The following KMT2A variants were observed in gnomAD, a reference collection of about 807,000 sequenced individuals.
The protein encoded by KMT2A is histone-lysine N-methyltransferase 2A.
A neutral mutation model predicts 345.3 loss-of-function variants in KMT2A; 16 were observed. The ratio of observed to expected loss-of-function variants is 0.05; its 90% CI spans 0.03 to 0.07. KMT2A has a LOEUF of 0.07. KMT2A is among the 10% of genes least tolerant of loss of function. The pLI, the probability that KMT2A is intolerant of heterozygous loss-of-function variation, is 1.00. For synonymous variants in KMT2A, 1,599 were observed against 1,778.6 expected, an observed-to-expected ratio of 0.90 and a Z score of 2.54; for missense variants, 3,272 against 4,841.6, an observed-to-expected ratio of 0.68 and a Z score of 9.62.
At chr11:118,515,120 T>C (rs782153387) in intron 31 of KMT2A, among the ~76,000 whole-genome samples, 5 of 152,218 alleles carry the variant, frequency 3.3e-5, no homozygotes, top group African/African-American at 4.8e-5. Context: ...TCCCTGGGCT[T>C]GGAGCTGAGA....
At chr11:118,492,090 C>A (rs573544692) in intron 15 of KMT2A, among the ~76,000 whole-genome samples, 162 bp downstream of exon 15, 3 of 152,264 alleles carry the variant, frequency 2.0e-5, no homozygotes, top group African/African-American at 7.2e-5. Context: ...CCTTCTTTAG[C>A]GTAAGAAATA....
intron 1 of KMT2A, among the ~76,000 whole-genome samples, chr11:118,443,315 T>G (rs1480826770): frequency 1.3e-5 from 2 of 151,978 alleles, no homozygotes; most frequent in Non-Finnish European, 2.9e-5. Flanking sequence ...CATAAAATGG[T>G]TCTTTATGTT....
rs782094382 is a variant in KMT2A at position 118,474,294 on chromosome 11, A to C, written c.3135A>C (p.Gln1045His). The C allele has an allele frequency of 6.2e-7, 1 of 1,613,978 alleles. No homozygotes were observed. The highest frequency in any genetic ancestry group is 1.1e-5 in the South Asian group (1 of 91,076). ...CKIEKSKSLK[Q>H]TDQPKAQGQE... is the part of the protein sequence containing the mutation. Reference sequence around the variant, plus strand: ...TTGAGAAGAGTAAGAGTCTTAAACAAACCGACCAGCCCAAAGCACAGGTAC... The same window carrying C: ...TTGAGAAGAGTAAGAGTCTTAAACACACCGACCAGCCCAAAGCACAGGTAC... Residue 1045 changes from glutamine (Q) to histidine (H), a missense_variant, in exon 3 of 36, where the codon CAA becomes CAC. Physicochemically the swap from Gln to His is conservative, Grantham distance 24. Transcript: ENST00000534358.
At chr11:118,453,860 A>C (rs538398682) in intron 1 of KMT2A, among the ~76,000 whole-genome samples, 1 of 152,286 alleles carries the variant, frequency 6.6e-6, no homozygotes, top group African/African-American at 2.4e-5. Flanking sequence ...TACTTACCAT[A>C]TCTAAAAAGT....
intron 4 of KMT2A, 101 bp from the exon 5 acceptor site, chr11:118,477,866 T>C (rs1950067409): frequency 1.3e-6 from 1 of 762,794 alleles, no homozygotes; most frequent in East Asian, 2.6e-5. Flanking sequence ...GAGTTCTGTA[T>C]ATAAATATTT....
intron 31 of KMT2A, among the ~76,000 whole-genome samples, chr11:118,518,063 A>G (rs782675040): frequency 9.9e-5 from 15 of 152,226 alleles, no homozygotes; most frequent in South Asian, 6.2e-4. Flanking sequence ...CATATGTGCA[A>G]TTGCAGTCCT....
intron 15 of KMT2A, among the ~76,000 whole-genome samples, 178 bp downstream of exon 15, chr11:118,492,106 G>A (rs1248798559): frequency 6.6e-6 from 1 of 152,172 alleles, no homozygotes. Flanking sequence ...AAATAGGAAG[G>A]AGCTGTATCT....
At chr11:118,482,132 T>A (rs1555039496) in intron 7 of KMT2A, 40 bp downstream of exon 7, 2 of 1,552,234 alleles carry the variant, frequency 1.3e-6, no homozygotes, top group Non-Finnish European at 1.7e-6. Context: ...GAACCACAAG[T>A]ACTAACAAAA....
rs782499842 is a variant in KMT2A at position 118,472,468 on chromosome 11, C to T, written c.1309C>T (p.Pro437Ser). Reference sequence around the variant, plus strand: ...TATAGAGGATGAGGATTATGACCCTCCAATTAAAATTGCCCGATTAGAGTC... The same window carrying T: ...TATAGAGGATGAGGATTATGACCCTTCAATTAAAATTGCCCGATTAGAGTC... ...RFIEDEDYDP[P>S]IKIARLESTP... The change falls in exon 3 of 36, where the codon CCA becomes TCA. Residue 437 changes from proline to serine, a missense_variant. Around this residue, in one of 27 missense-constraint regions of KMT2A, gnomAD observed 180 missense variants for 190.7 expected, o/e 0.94. Coordinates refer to ENST00000534358, the MANE Select transcript of KMT2A (RefSeq NM_001197104.2). 4 of 1,613,380 alleles carry T rather than the reference C, an allele frequency of 2.5e-6. No individual in the cohort carries two copies. Among genetic ancestry groups the T allele is most frequent in the Admixed American group, 1.7e-5 (1 of 59,922 alleles).
rs1189727525 is a variant in KMT2A, at chr11:118,520,433, A to G, written c.11429+369A>G. On this transcript the variant is annotated intron_variant, in intron 33 of 35. Transcript: ENST00000534358. This position sits in a 1 kb window ranked among gnomAD's most constrained non-coding sequence, Gnocchi z 4.3. ...TTTGGAAGTCCGAGGCGGACAGATC[A>G]TGAGGTCAGGAGTTCGAGACCAGCC... The G allele has an allele frequency of 6.0e-6, 2 of 334,076 alleles. No homozygotes were observed. The highest frequency in any genetic ancestry group is 4.2e-5 in the African/African-American group (2 of 47,602). 20.7% of individuals were successfully genotyped at this position (334,076 alleles called of 1,614,324 possible).
chr11:118,473,816 G>A lies in KMT2A; in HGVS notation c.2657G>A (p.Arg886Gln), dbSNP rs868923495. 3 of 1,614,002 alleles carry A rather than the reference G, an allele frequency of 1.9e-6. No individual in the cohort carries two copies. The highest frequency in any genetic ancestry group is 1.3e-5 in the African/African-American group (1 of 74,910). The stretch of plus-strand genomic sequence containing the variant: ...CGGGAGAGAGAAAAGGAGAATAAGC[G>A]GGAGTCAAGGAAAGAGAAAAGGAAA... The part of the protein sequence containing the change: ...RDREREKENK[R>Q]ESRKEKRKKG... The change falls in exon 3 of 36, where the codon CGG becomes CAG. Residue 886 changes from arginine (R) to glutamine (Q), a missense_variant. By Grantham distance (43) the Arg-to-Gln change is conservative (BLOSUM62 1). This residue lies in a region of KMT2A where 209 missense variants were observed against 237.4 expected (regional missense o/e 0.88). Transcript: ENST00000534358. This position sits in a 1 kb window ranked among gnomAD's most constrained non-coding sequence, Gnocchi z 5.2.
rs201724738 is a variant in KMT2A at position 118,510,031 on chromosome 11, A to G, written c.10984A>G (p.Ser3662Gly). 2.8e-5 allele frequency: 45 copies of G among 1,613,852 alleles called. No homozygotes were observed. The highest frequency in any genetic ancestry group is 3.6e-5 in the Non-Finnish European group (43 of 1,179,882). ...TCAGCAAGAACAAAAGCGGAAGGAAAGCATTACTGAGAAAAAACCCAAGAA... is the reference window on the plus strand; with the variant it reads ...TCAGCAAGAACAAAAGCGGAAGGAAGGCATTACTGAGAAAAAACCCAAGAA... The part of the protein sequence containing the change: ...WLQQEQKRKE[S>G]ITEKKPKKGL... Residue 3662 changes from serine (S) to glycine (G), a missense_variant, in exon 30 of 36, where the codon AGC becomes GGC. This residue lies in a region of KMT2A where 748 missense variants were observed against 922.2 expected (regional missense o/e 0.81). Transcript: ENST00000534358. This position sits in a 1 kb window ranked among gnomAD's most constrained non-coding sequence, Gnocchi z 4.1.
At position 118,520,703 on chromosome 11, in the gene KMT2A, A is replaced by G; in HGVS notation, c.11430-99A>G. ...TAAGGCACTCGTTCAGTTTGGCATTAAACAAAGAGTGTACTAATTGTCTCT... is the reference window on the plus strand; with the variant it reads ...TAAGGCACTCGTTCAGTTTGGCATTGAACAAAGAGTGTACTAATTGTCTCT... On this transcript the variant is annotated intron_variant, in intron 33 of 35. Coordinates refer to ENST00000534358, the MANE Select transcript of KMT2A (RefSeq NM_001197104.2). The surrounding 1 kb of genome is among the most constrained non-coding windows in gnomAD (Gnocchi z 4.3). 3.5e-6 allele frequency: 3 copies of G among 860,162 alleles called. No individual in the cohort carries two copies. In the East Asian group the frequency reaches 7.5e-5, roughly 21 times the overall value. The allele number at this position is 860,162 out of a possible 1,614,324, so 53.3% of individuals were successfully genotyped here.
chr11:118,456,580 C>A (rs782251942), intron 1 of KMT2A, among the ~76,000 whole-genome samples: 2 of 151,876 alleles, frequency 1.3e-5, no homozygotes, highest in Non-Finnish European at 2.9e-5. Context: ...CCTCATGATT[C>A]GCCCACCTTG....
intron 1 of KMT2A, among the ~76,000 whole-genome samples, chr11:118,458,735 G>C (rs1263941167): frequency 4.6e-5 from 7 of 152,214 alleles, no homozygotes; most frequent in Non-Finnish European, 8.8e-5. Flanking sequence ...TGTAGCAGTA[G>C]CCACAAGGGG....
chr11:118,491,360 A>G lies in KMT2A; in HGVS notation c.4819+42A>G, dbSNP rs369165358. ...TTCAGTTTTCTTCTTTCTAGGTACT[A>G]CTACATTTATTAGCCTCTAGAGCAC... On this transcript the variant is annotated intron_variant, in intron 14 of 35. Coordinates refer to ENST00000534358, the MANE Select transcript of KMT2A (RefSeq NM_001197104.2). This position sits in a 1 kb window ranked among gnomAD's most constrained non-coding sequence, Gnocchi z 4.2. 1.9e-6 allele frequency: 3 copies of G among 1,593,168 alleles called. No homozygotes were observed. The African/African-American group carries it at 4.1e-5, about 22-fold the overall frequency.
chr11:118,478,558 T>C (rs1474568274), intron 5 of KMT2A, among the ~76,000 whole-genome samples: 1 of 152,254 alleles, frequency 6.6e-6, no homozygotes, highest in Non-Finnish European at 1.5e-5. Flanking sequence ...ACTTTAGCCA[T>C]GTGTAACTAG....
chr11:118,522,018 A>G lies in KMT2A; in HGVS notation c.11765A>G (p.Asn3922Ser), dbSNP rs782418508. The G allele has an allele frequency of 4.3e-6, 7 of 1,614,210 alleles. No individual in the cohort carries two copies. The highest frequency in any genetic ancestry group is 2.2e-5 in the East Asian group (1 of 44,896). Residue 3922 changes from asparagine to serine, a missense_variant, in exon 36 of 36, where the codon AAT becomes AGT. Physicochemically the swap from Asn to Ser is conservative, Grantham distance 46. This residue lies in a region of KMT2A where 78 missense variants were observed against 254.5 expected (regional missense o/e 0.31). Coordinates refer to ENST00000534358, the MANE Select transcript of KMT2A (RefSeq NM_001197104.2). This position sits in a 1 kb window ranked among gnomAD's most constrained non-coding sequence, Gnocchi z 5.4. ...CEPNCYSRVINIDGQKHIVIF... is the reference protein window; with the variant it reads ...CEPNCYSRVISIDGQKHIVIF... The stretch of plus-strand genomic sequence containing the variant: ...CCTAACTGCTATTCTCGGGTCATCA[A>G]TATTGATGGGCAGAAGCACATTGTC...
At chr11:118,460,738 G>A (rs767466774) in intron 1 of KMT2A, among the ~76,000 whole-genome samples, 1 of 152,088 alleles carries the variant, frequency 6.6e-6, no homozygotes, top group Non-Finnish European at 1.5e-5. Context: ...GCAATAATAG[G>A]GGACCACAGC....
Sources: gnomAD v4.1 joint callset for allele counts (sites outside exome capture counted in the v4.1 genomes callset) on GRCh38, gnomAD v4.1.1 for gene constraint, gnomAD v4.1.1 regional missense constraint, Gnocchi (gnomAD v3.1) non-coding constraint, MANE v1.5 for transcripts, NCBI Gene and HGNC (gene_info 2026-07-23, HGNC 2026-07-21) for gene names.